Variants in NLRP2 observed in about 807,000 individuals in gnomAD.
NLRP2 encodes NACHT, LRR and PYD domains-containing protein 2.
In NLRP2, 107 loss-of-function variants were observed where a neutral mutation model predicts 97.2. The ratio of observed to expected loss-of-function variants is 1.10; its 90% CI spans 0.94 to 1.29. The LOEUF (loss-of-function observed/expected upper bound fraction) is 1.29. Ranked by LOEUF, NLRP2 falls within the 50% of genes most tolerant of loss-of-function variation. The pLI is 0.00. For missense variants in NLRP2, 1,495 were observed against 1,330.3 expected (o/e 1.12, Z -1.93); for synonymous variants, 663 against 551.5 (o/e 1.20, Z -2.83).
Position 54,981,674 on chromosome 19 carries a change from A to G in NLRP2, c.455A>G (p.Lys152Arg). 1.3e-6 allele frequency: 2 copies of G among 1,562,996 alleles called. No individual in the cohort carries two copies. Among genetic ancestry groups the G allele is most frequent in the Non-Finnish European group, 1.8e-6 (2 of 1,133,310 alleles). Residue 152 changes from lysine to arginine, a missense_variant, in exon 5 of 13, where the codon AAA becomes AGA. Lys to Arg is a conservative substitution (Grantham distance 26). Transcript: ENST00000448584. ...ICLGKEVFKG[K>R]KPDKDNRCRY... ...CTGGGTAAAGAAGTCTTTAAAGGAA[A>G]AAAGCCAGGTCTGTACCATATCTTC...
intron 1 of NLRP2, among the ~76,000 whole-genome samples, chr19:54,967,609 C>T (rs1265396469): frequency 1.3e-5 from 2 of 151,640 alleles, no homozygotes; most frequent in Non-Finnish European, 1.5e-5. Flanking sequence ...TTTCTGTTCT[C>T]TTGGGGGATT....
At chr19:54,990,423 A>G in intron 9 of NLRP2, 79 bp from the exon 10 acceptor site, 5 of 1,455,722 alleles carry the variant, frequency 3.4e-6, no homozygotes, top group South Asian at 1.1e-5. Flanking sequence ...GGGCTTTTGG[A>G]TGCTGGCACT....
At chr19:54,991,316 G>A (rs752756601) in intron 10 of NLRP2, among the ~76,000 whole-genome samples, 102 of 152,188 alleles carry the variant, frequency 6.7e-4, no homozygotes, top group Non-Finnish European at 1.3e-3. Context: ...TTGGGAGGCC[G>A]AAGCAAGGCA....
chr19:55,000,668 G>T, intron 12 of NLRP2, 92 bp from the exon 13 acceptor site: 1 of 1,312,640 alleles, frequency 7.6e-7, no homozygotes, highest in Non-Finnish European at 1.1e-6. Context: ...CCCATGCCCT[G>T]TGCCTCCTTA....
At chr19:54,991,039 A>T (rs1055491046) in intron 10 of NLRP2, 3 of 303,268 alleles carry the variant, frequency 9.9e-6, no homozygotes, top group Non-Finnish European at 6.2e-6. Flanking sequence ...GGCATGAGCC[A>T]TGTCACCCCA....
intron 7 of NLRP2, among the ~76,000 whole-genome samples, 160 bp downstream of exon 7, chr19:54,985,377 G>A (rs144454374): frequency 1.3e-4 from 20 of 152,054 alleles, no homozygotes; most frequent in African/African-American, 2.4e-4. Context: ...TGGGATAATC[G>A]TATAAAGTAA....
chr19:54,992,399 T>C (rs761705567), intron 10 of NLRP2, among the ~76,000 whole-genome samples: 6 of 151,782 alleles, frequency 4.0e-5, no homozygotes, highest in Non-Finnish European at 7.4e-5. Context: ...CCACACCCAC[T>C]ATATCTAGGC....
chr19:54,969,014 A>T (rs182953871), intron 1 of NLRP2, among the ~76,000 whole-genome samples: 304 of 152,148 alleles, frequency 2.0e-3, no homozygotes, highest in Middle Eastern at 0.01. Flanking sequence ...TGTTTGCATT[A>T]TCATATTCAG....
chr19:55,001,026 T>C lies in NLRP2; in HGVS notation c.*128T>C. On this transcript the variant is annotated 3_prime_UTR_variant, in exon 13 of 13. Coordinates refer to ENST00000448584, the MANE Select transcript of NLRP2 (RefSeq NM_017852.5). ...TGAGTTCATTGCTGGGCTAGATGTT[T>C]TAGCCATGATTCTGCCTCTGTTTTA... 2 of 803,894 alleles carry C rather than the reference T, an allele frequency of 2.5e-6. No homozygotes were observed. The highest frequency in any genetic ancestry group is 4.2e-6 in the Non-Finnish European group (2 of 476,394). 49.8% of individuals were successfully genotyped at this position (803,894 alleles called of 1,614,324 possible). A position where few individuals can be genotyped will look rare whatever the true frequency, so the allele number is the denominator to read the frequency against.
chr19:54,985,535 A>C (rs568341981), intron 7 of NLRP2, among the ~76,000 whole-genome samples: 29 of 151,788 alleles, frequency 1.9e-4, no homozygotes, highest in African/African-American at 7.0e-4. Context: ...AAAATTATCC[A>C]GGCGTGGTGG....
chr19:54,967,163 G>A (rs543087921), intron 1 of NLRP2, among the ~76,000 whole-genome samples: 4 of 151,804 alleles, frequency 2.6e-5, no homozygotes, highest in African/African-American at 9.7e-5. Context: ...CACCGCGCCC[G>A]GCCTAAATCT....
intron 8 of NLRP2, chr19:54,989,762 T>G: frequency 1.8e-6 from 1 of 562,474 alleles, no homozygotes. Context: ...GGTGGGCAGA[T>G]CACCTGAGAT....
chr19:55,000,769 C>A lies in NLRP2; in HGVS notation c.3060C>A (p.Ile1020=), dbSNP rs12768. ...SGTLRTLRLK[I]DDFNDELNKL... ...CCCCATTGTACCCCAGGTTGAAAAT[C>A]GATGACTTTAATGATGAACTCAATA... The change falls in exon 13 of 13, where the codon ATC becomes ATA. Residue 1020 remains isoleucine, a synonymous_variant. Coordinates refer to ENST00000448584, the MANE Select transcript of NLRP2 (RefSeq NM_017852.5). 843,624 of 1,610,080 alleles carry A rather than the reference C, an allele frequency of 0.52. 224,951 individuals carry two copies. The highest frequency in any genetic ancestry group is 0.72 in the Admixed American group (43,421 of 59,930).
chr19:54,976,812 CTTTT>C (rs530895836), intron 3 of NLRP2: 137 of 328,566 alleles, frequency 4.2e-4, no homozygotes, highest in Admixed American at 9.8e-4. Context: ...TGTTCTCTCT[CTTTT>C]TTTTTTTTTT....
chr19:54,985,292 T>TGAAC, intron 7 of NLRP2, 75 bp downstream of exon 7: 2 of 1,403,320 alleles, frequency 1.4e-6, no homozygotes, highest in Non-Finnish European at 2.0e-6. Flanking sequence ...GGAGCAATAT[T>TGAAC]CAGATTCCTG....
intron 2 of NLRP2, among the ~76,000 whole-genome samples, chr19:54,972,316 G>A (rs2070915400): frequency 6.6e-6 from 1 of 151,728 alleles, no homozygotes; most frequent in Admixed American, 6.6e-5. Context: ...TGAATAGCTA[G>A]GATTATACAG....
rs1205436263 is a variant in NLRP2 at position 54,982,314 on chromosome 19, T to G, written c.616T>G (p.Ser206Ala). 1 of 1,613,980 alleles carries G rather than the reference T, an allele frequency of 6.2e-7. No homozygotes were observed. The highest frequency in any genetic ancestry group is 1.3e-5 in the African/African-American group (1 of 74,914). Reference protein sequence around the residue: ...SNPRVLPGPFSYTVVLYGPAG... With the variant: ...SNPRVLPGPFAYTVVLYGPAG... ...CCCCAGGGTGCTTCCCGGGCCCTTC[T>G]CATACACGGTGGTGCTGTATGGTCC... Residue 206 changes from serine to alanine, a missense_variant, in exon 6 of 13, where the codon TCA becomes GCA. Physicochemically the swap from Ser to Ala is moderately conservative, Grantham distance 99. Coordinates refer to ENST00000448584, the MANE Select transcript of NLRP2 (RefSeq NM_017852.5).
At position 54,983,682 on chromosome 19, in the gene NLRP2, C is replaced by A. The variant is rs2071818216; in HGVS notation, c.1984C>A (p.Leu662Ile). 1 of 1,613,684 alleles carries A rather than the reference C, an allele frequency of 6.2e-7. No individual in the cohort carries two copies. The highest frequency in any genetic ancestry group is 1.3e-5 in the African/African-American group (1 of 74,924). Residue 662 changes from leucine (L) to isoleucine (I), a missense_variant, in exon 6 of 13, where the codon CTC becomes ATC. Physicochemically the swap from Leu to Ile is conservative, Grantham distance 5. Coordinates refer to ENST00000448584, the MANE Select transcript of NLRP2 (RefSeq NM_017852.5). Reference protein sequence around the residue: ...KMSLQVIKENLPENVTASESD... With the variant: ...KMSLQVIKENIPENVTASESD... ...GTCACTGCAGGTAATAAAGGAGAAT[C>A]TCCCGGAGAATGTCACTGCGTCTGA...
rs556835656 is a variant in NLRP2, at chr19:54,990,901, T to G, written c.2708+229T>G. The G allele has an allele frequency of 2.2e-4, 101 of 452,594 alleles. 1 individual carries two copies. The highest frequency in any genetic ancestry group is 1.1e-3 in the East Asian group (33 of 29,604). The allele number at this position is 452,594 out of a possible 1,614,324, so 28.0% of individuals were successfully genotyped here. A position where few individuals can be genotyped will look rare whatever the true frequency, so the allele number is the denominator to read the frequency against. On this transcript the variant is annotated intron_variant, in intron 10 of 12. Transcript: ENST00000448584. ...TTGGGGAATGTAGCTGGTTTTCGGG[T>G]TTTTTTTTTCCTCTTTATGTATGTA...
Sources: gnomAD v4.1 joint callset for allele counts (sites outside exome capture counted in the v4.1 genomes callset) on GRCh38, gnomAD v4.1.1 for gene constraint, MANE v1.5 for transcripts, NCBI Gene and HGNC (gene_info 2026-07-23, HGNC 2026-07-21) for gene names.